Variants in SMAD9 observed in about 807,000 individuals in gnomAD.
SMAD9 encodes the protein MAD homolog 9.
SMAD9 carries 36 observed loss-of-function variants against 46.1 expected under a neutral mutation model. The observed-to-expected ratio is 0.78, with a 90% CI of 0.60 to 1.03. The LOEUF (loss-of-function observed/expected upper bound fraction) is 1.03. SMAD9 is among the 50% of genes least tolerant of loss of function. The probability of loss-of-function intolerance (pLI) is 0.00; values close to 1 mark genes in which losing one functional copy is unlikely to be tolerated. For missense variants in SMAD9, 572 were observed against 599.8 expected (o/e 0.95, Z 0.48); for synonymous variants, 245 against 237.1 (o/e 1.03, Z -0.31).
Position 36,848,582 on chromosome 13 carries a change from T to C in SMAD9, c.*94A>G, listed in dbSNP as rs1306192085. On this transcript the variant is annotated 3_prime_UTR_variant, in exon 7 of 7. Coordinates refer to ENST00000379826, the MANE Select transcript of SMAD9 (RefSeq NM_001127217.3). ...AGTATACATTCTATGTATTTACACA[T>C]GTTTTTAGAAACTTCAGTTGCAAAT... 1 of 1,167,390 alleles carries C rather than the reference T, an allele frequency of 8.6e-7. No individual in the cohort carries two copies. Among genetic ancestry groups the C allele is most frequent in the African/African-American group, 1.5e-5 (1 of 65,956 alleles). The allele number at this position is 1,167,390 out of a possible 1,614,324, so 72.3% of individuals were successfully genotyped here. A position where few individuals can be genotyped will look rare whatever the true frequency, so the allele number is the denominator to read the frequency against.
chr13:36,870,166 G>A (rs2058276858), intron 3 of SMAD9, among the ~76,000 whole-genome samples: 1 of 152,128 alleles, frequency 6.6e-6, no homozygotes, highest in South Asian at 2.1e-4. Flanking sequence ...TGTCCTGCTT[G>A]GGTGGGAAGA....
chr13:36,874,089 CTGT>C (rs891820538), intron 2 of SMAD9, among the ~76,000 whole-genome samples: 9 of 152,332 alleles, frequency 5.9e-5, no homozygotes, highest in Admixed American at 3.3e-4. Flanking sequence ...TACTCCAAAA[CTGT>C]TGTTGAAGAG....
chr13:36,861,211 A>G (rs1593560047), intron 5 of SMAD9, among the ~76,000 whole-genome samples: 1 of 152,242 alleles, frequency 6.6e-6, no homozygotes, highest in East Asian at 1.9e-4. Context: ...TAGCAGGGCC[A>G]GCCATTTAGC....
chr13:36,919,931 G>A (rs867218952), intron 1 of SMAD9, among the ~76,000 whole-genome samples, 185 bp downstream of exon 1: 5 of 151,114 alleles, frequency 3.3e-5, no homozygotes, highest in Admixed American at 6.6e-5. Context: ...CTGCCCCGAG[G>A]ACGAACAACT....
chr13:36,908,404 A>G lies in SMAD9; in HGVS notation c.-187+11712T>C, dbSNP rs545179352. The stretch of plus-strand genomic sequence containing the variant: ...CATTCTGAAAGAAGACAGAAATACA[A>G]ATTTCTGTTATGCTAAATTTTACTA... On this transcript the variant is annotated intron_variant, in intron 1 of 6. Transcript: ENST00000379826. Among the ~76,000 whole-genome samples, 33 of 152,348 alleles carry G rather than the reference A, an allele frequency of 2.2e-4. No individual in the cohort carries two copies. The South Asian group carries it at 6.8e-3, about 32-fold the overall frequency.
chr13:36,891,748 G>A (rs2058490616), intron 1 of SMAD9, among the ~76,000 whole-genome samples: 1 of 152,184 alleles, frequency 6.6e-6, no homozygotes, highest in South Asian at 2.1e-4. Flanking sequence ...CCAGGTGGAA[G>A]TCTGAAAATG....
chr13:36,879,809 G>T lies in SMAD9; in HGVS notation c.-120C>A. On this transcript the variant is annotated 5_prime_UTR_variant, in exon 2 of 7. The change creates a new upstream start codon in the 5' untranslated region. Coordinates refer to ENST00000379826, the MANE Select transcript of SMAD9 (RefSeq NM_001127217.3). ...CAACCCGCCCGTTCTTCTGGGAGCAGCTGGGACCAATTCAAGTTGCGAAGT... is the reference window on the plus strand; with the variant it reads ...CAACCCGCCCGTTCTTCTGGGAGCATCTGGGACCAATTCAAGTTGCGAAGT... 1 of 1,106,284 alleles carries T rather than the reference G, an allele frequency of 9.0e-7. No individual in the cohort carries two copies. Among genetic ancestry groups the T allele is most frequent in the South Asian group, 1.3e-5 (1 of 74,372 alleles). The allele number at this position is 1,106,284 out of a possible 1,614,324, so 68.5% of individuals were successfully genotyped here.
At chr13:36,852,888 C>A (rs1363137261) in intron 6 of SMAD9, among the ~76,000 whole-genome samples, 1 of 152,190 alleles carries the variant, frequency 6.6e-6, no homozygotes, top group East Asian at 1.9e-4. Context: ...CAAATAGCCA[C>A]CTTGTTTTTC....
chr13:36,919,560 C>A (rs556921500), intron 1 of SMAD9, among the ~76,000 whole-genome samples: 2 of 152,146 alleles, frequency 1.3e-5, no homozygotes, highest in South Asian at 2.1e-4. Flanking sequence ...TAAAAGTGGC[C>A]CCCAAAGAGT....
Position 36,872,685 on chromosome 13 carries a change from CAGA to C in SMAD9, c.640_642del (p.Ser214del), listed in dbSNP as rs1447247631. On this transcript the variant is annotated inframe_deletion, in exon 3 of 7. Coordinates refer to ENST00000379826, the MANE Select transcript of SMAD9 (RefSeq NM_001127217.3). ...GAGTGTTGATAGGGACTCTCTGGCTCAGAAGGACTTCCTGGGGAGTGAGGGTAG... is the reference window on the plus strand; with the variant it reads ...GAGTGTTGATAGGGACTCTCTGGCTCAGGACTTCCTGGGGAGTGAGGGTAG... 6.2e-7 allele frequency: 1 copy of C among 1,614,000 alleles called. No individual in the cohort carries two copies.
At chr13:36,875,628 A>T (rs1208195041) in intron 2 of SMAD9, among the ~76,000 whole-genome samples, 3 of 152,218 alleles carry the variant, frequency 2.0e-5, no homozygotes, top group Admixed American at 6.5e-5. Context: ...GACACAGCGA[A>T]TGTGTATGGC....
intron 1 of SMAD9, among the ~76,000 whole-genome samples, chr13:36,903,170 A>G (rs1593618981): frequency 7.6e-6 from 1 of 130,836 alleles, no homozygotes. Flanking sequence ...TCTATCACCC[A>G]GGCTGGAGAG....
chr13:36,913,799 G>A (rs1292619523), intron 1 of SMAD9, among the ~76,000 whole-genome samples: 4 of 152,222 alleles, frequency 2.6e-5, no homozygotes, highest in East Asian at 1.9e-4. Context: ...ATGACTAAAT[G>A]CATAAACAAG....
intron 1 of SMAD9, among the ~76,000 whole-genome samples, chr13:36,903,430 G>A (rs938458466): frequency 3.3e-5 from 5 of 152,218 alleles, no homozygotes; most frequent in South Asian, 2.1e-4. Flanking sequence ...CGGCCTGGAG[G>A]GGCCATTTCC....
rs1266495081 is a variant in SMAD9 at position 36,872,909 on chromosome 13, G to A, written c.419C>T (p.Pro140Leu). Residue 140 changes from proline to leucine, a missense_variant, in exon 3 of 7, where the codon CCT becomes CTT. Transcript: ENST00000379826. Reference protein sequence around the residue: ...HYRRVETPVLPPVLVPRHSEY... With the variant: ...HYRRVETPVLLPVLVPRHSEY... Reference sequence around the variant, plus strand: ...ACTGTGTCTTGGCACGAGCACAGGAGGCAGTACTAGGATCAGAAAGGAACA... The same window carrying A: ...ACTGTGTCTTGGCACGAGCACAGGAAGCAGTACTAGGATCAGAAAGGAACA... 2.5e-6 allele frequency: 4 copies of A among 1,614,036 alleles called. No individual in the cohort carries two copies. Among genetic ancestry groups the A allele is most frequent in the Admixed American group, 3.3e-5 (2 of 60,002 alleles).
chr13:36,889,617 A>G (rs2058474268), intron 1 of SMAD9, among the ~76,000 whole-genome samples: 1 of 152,204 alleles, frequency 6.6e-6, no homozygotes, highest in East Asian at 1.9e-4. Context: ...ACACAAAATT[A>G]TATCATTACA....
rs1001614586 is a variant in SMAD9 at position 36,847,313 on chromosome 13, T to C, written c.*1363A>G. 6.6e-6 allele frequency: 1 copy of C among 152,240 alleles called. No homozygotes were observed. The highest frequency in any genetic ancestry group is 2.4e-5 in the African/African-American group (1 of 41,474). 9.4% of individuals were successfully genotyped at this position (152,240 alleles called of 1,614,324 possible). A position where few individuals can be genotyped will look rare whatever the true frequency, so the allele number is the denominator to read the frequency against. On this transcript the variant is annotated 3_prime_UTR_variant, in exon 7 of 7. Coordinates refer to ENST00000379826, the MANE Select transcript of SMAD9 (RefSeq NM_001127217.3). ...CAAGCATAACTGCCATCTTAAATTG[T>C]ACATTTTTAAAGAGGGTGTGAAATA... is the stretch of plus-strand genomic sequence containing the variant.
intron 1 of SMAD9, among the ~76,000 whole-genome samples, chr13:36,917,017 G>T (rs7988586): frequency 0.02 from 3,015 of 152,036 alleles, 105 homozygotes; most frequent in African/African-American, 0.069. Context: ...AGTGGTCTTG[G>T]GTCAGCCTAA....
chr13:36,855,427 T>C (rs957648403), intron 5 of SMAD9, among the ~76,000 whole-genome samples: 2 of 152,084 alleles, frequency 1.3e-5, no homozygotes, highest in Non-Finnish European at 2.9e-5. Flanking sequence ...AATTCTAGTC[T>C]AGTGAATATT....
Sources: gnomAD v4.1 joint callset for allele counts (sites outside exome capture counted in the v4.1 genomes callset) on GRCh38, gnomAD v4.1.1 for gene constraint, MANE v1.5 for transcripts, NCBI Gene and HGNC (gene_info 2026-07-23, HGNC 2026-07-21) for gene names.